DPP6: variants seen among roughly 807,000 people sequenced by gnomAD.
The protein encoded by DPP6 is A-type potassium channel modulatory protein DPP6.
A neutral mutation model predicts 122.6 loss-of-function variants in DPP6; 69 were observed. The ratio of observed to expected loss-of-function variants is 0.56; its 90% CI spans 0.46 to 0.69. DPP6 has a LOEUF of 0.69. Ranked by LOEUF, DPP6 falls within the 30% of genes least tolerant of loss-of-function variation. DPP6 has a pLI of 0.00. For missense variants in DPP6, 928 were observed against 1,116.9 expected (o/e 0.83, Z 2.41); for synonymous variants, 418 against 433.1 (o/e 0.97, Z 0.43).
intron 8 of DPP6, 26 bp from the exon 9 acceptor site, chr7:154,769,391 C>T (rs1796098902): frequency 3.1e-6 from 5 of 1,612,478 alleles, no homozygotes; most frequent in Non-Finnish European, 4.2e-6. Flanking sequence ...TTACTATTCA[C>T]ATTTCTCTAC....
chr7:153,785,644 T>C, the DPP6 span, among the ~76,000 whole-genome samples: 9 of 152,192 alleles, frequency 5.9e-5, no homozygotes, highest in South Asian at 2.1e-4. Context: ...GGGTACTATA[T>C]ATATACTTTT....
At chr7:153,901,031 C>A (rs1461322312) in intron 1 of DPP6, among the ~76,000 whole-genome samples, 1 of 152,092 alleles carries the variant, frequency 6.6e-6, no homozygotes, top group Admixed American at 6.6e-5. Context: ...TGATTACTTA[C>A]AGTGGTTCAT....
chr7:153,898,678 A>C (rs184357673), intron 1 of DPP6, among the ~76,000 whole-genome samples: 96 of 152,350 alleles, frequency 6.3e-4, no homozygotes, highest in African/African-American at 2.1e-3. Context: ...GTCACTGGAC[A>C]TGGGAGGAAA....
intron 1 of DPP6, among the ~76,000 whole-genome samples, chr7:154,185,783 A>C (rs2150755023): frequency 6.6e-6 from 1 of 152,000 alleles, no homozygotes; most frequent in South Asian, 2.1e-4. Flanking sequence ...CCCCATATCT[A>C]CTCTTTTAGG....
intron 1 of DPP6, among the ~76,000 whole-genome samples, chr7:154,411,859 G>A (rs950943938): frequency 3.3e-5 from 5 of 152,120 alleles, no homozygotes; most frequent in Admixed American, 6.5e-5. Flanking sequence ...AAGTAGTCTC[G>A]GGCTAGGTAA....
chr7:153,812,096 C>G, the DPP6 span, among the ~76,000 whole-genome samples: 2 of 152,208 alleles, frequency 1.3e-5, no homozygotes, highest in South Asian at 4.2e-4. Context: ...TCCGTGGGCA[C>G]TTTTTTCTCC....
intron 7 of DPP6, among the ~76,000 whole-genome samples, chr7:154,701,881 C>T (rs1840549750): frequency 6.6e-6 from 1 of 152,210 alleles, no homozygotes; most frequent in South Asian, 2.1e-4. Flanking sequence ...TATACAAATG[C>T]AGGCACGTCT....
chr7:154,373,765 G>A (rs1018308302), intron 1 of DPP6, among the ~76,000 whole-genome samples: 14 of 152,158 alleles, frequency 9.2e-5, no homozygotes, highest in East Asian at 7.7e-4. Context: ...CGGAAACTGC[G>A]CTAATTCAAC....
In DPP6 at chr7:154,821,676, A is replaced by G. The variant is rs1799791967; in HGVS notation, c.1666+14564A>G. ...TATATATATATATACACATATATATATACACACACATATATATATACACAC... is the reference window on the plus strand; with the variant it reads ...TATATATATATATACACATATATATGTACACACACATATATATATACACAC... On this transcript the variant is annotated intron_variant, in intron 16 of 25. Coordinates refer to ENST00000377770, the MANE Select transcript of DPP6 (RefSeq NM_130797.4). The surrounding 1 kb of genome is among the most constrained non-coding windows in gnomAD (Gnocchi z 4.2). Among the ~76,000 whole-genome samples the G allele has an allele frequency of 6.8e-6, 1 of 147,518 alleles. No homozygotes were observed. The highest frequency in any genetic ancestry group is 1.5e-5 in the Non-Finnish European group (1 of 67,364).
At chr7:154,858,761 C>T (rs1250630326) in intron 17 of DPP6, among the ~76,000 whole-genome samples, 1 of 152,212 alleles carries the variant, frequency 6.6e-6, no homozygotes. Context: ...ACTCCATGCA[C>T]TGTGAGAGCT....
intron 16 of DPP6, among the ~76,000 whole-genome samples, chr7:154,848,007 C>A (rs1303567128): frequency 6.6e-6 from 1 of 152,250 alleles, no homozygotes; most frequent in Non-Finnish European, 1.5e-5. Context: ...CAAGTCCTTT[C>A]ATCTCTAAGA....
intron 1 of DPP6, among the ~76,000 whole-genome samples, chr7:154,174,874 C>CTTTTTTTTT (rs147664898): frequency 4.9e-5 from 7 of 142,584 alleles, no homozygotes; most frequent in African/African-American, 1.8e-4. Context: ...TTCTTTCTTT[C>CTTTTTTTTT]TTTCTTTTTT....
At chr7:153,908,877 C>T (rs1799958337) in intron 1 of DPP6, among the ~76,000 whole-genome samples, 1 of 152,296 alleles carries the variant, frequency 6.6e-6, no homozygotes, top group African/African-American at 2.4e-5. Flanking sequence ...CCTCAGCCTC[C>T]TGAGTACCTG....
intron 1 of DPP6, among the ~76,000 whole-genome samples, chr7:154,290,833 T>C (rs1352469763): frequency 6.6e-6 from 1 of 152,138 alleles, no homozygotes; most frequent in Admixed American, 6.5e-5. Context: ...AGAGAGTCTG[T>C]TTGTTTCCCT....
At chr7:154,325,931 C>A (rs993254107) in intron 1 of DPP6, among the ~76,000 whole-genome samples, 2 of 152,112 alleles carry the variant, frequency 1.3e-5, no homozygotes, top group Admixed American at 6.5e-5. Flanking sequence ...AAGAGGCATG[C>A]ATCATTTTAA....
At chr7:154,497,658 A>C (rs1311375144) in intron 3 of DPP6, among the ~76,000 whole-genome samples, 1 of 151,998 alleles carries the variant, frequency 6.6e-6, no homozygotes, top group Non-Finnish European at 1.5e-5. Flanking sequence ...GATAAATTAG[A>C]TCATCATTCA....
At chr7:153,989,390 G>A (rs1192911930) in intron 1 of DPP6, among the ~76,000 whole-genome samples, 1 of 151,228 alleles carries the variant, frequency 6.6e-6, no homozygotes, top group East Asian at 2.0e-4. Context: ...AGAGTTGTGT[G>A]ATTGTGTGTA....
At chr7:154,507,121 A>G (rs1825724027) in intron 3 of DPP6, among the ~76,000 whole-genome samples, 1 of 152,178 alleles carries the variant, frequency 6.6e-6, no homozygotes, top group Admixed American at 6.5e-5. Flanking sequence ...TTAAGCAGCA[A>G]CTGTATGCCC....
chr7:153,761,127 T>G, the DPP6 span, among the ~76,000 whole-genome samples: 3 of 152,080 alleles, frequency 2.0e-5, no homozygotes, highest in East Asian at 5.8e-4. Flanking sequence ...TCAGTGTCCT[T>G]CTTCGCTTTC....
Sources: gnomAD v4.1 joint callset for allele counts (sites outside exome capture counted in the v4.1 genomes callset) on GRCh38, gnomAD v4.1.1 for gene constraint, Gnocchi (gnomAD v3.1) non-coding constraint, MANE v1.5 for transcripts, NCBI Gene and HGNC (gene_info 2026-07-23, HGNC 2026-07-21) for gene names.